The following CACNA2D1 variants were observed in gnomAD, a reference collection of about 807,000 sequenced individuals.
The protein encoded by CACNA2D1 is calcium voltage-gated channel auxiliary subunit alpha2delta 1.
CACNA2D1 carries 53 observed loss-of-function variants against 171.5 expected under a neutral mutation model. That is an observed-to-expected ratio of 0.31 (90% CI 0.25 to 0.39). CACNA2D1 has a LOEUF of 0.39. Among genes scored for constraint, CACNA2D1 ranks in the 10% least tolerant of loss-of-function variants. The pLI is 1.00. For missense variants in CACNA2D1, 903 were observed against 1,299.8 expected (o/e 0.69, Z 4.69); for synonymous variants, 442 against 443.1 (o/e 1.00, Z 0.03).
rs774076778 is a variant in CACNA2D1, at chr7:81,962,037, G to A, written c.2837-14C>T. The A allele has an allele frequency of 1.2e-6, 2 of 1,611,908 alleles. No individual in the cohort carries two copies. The highest frequency in any genetic ancestry group is 4.5e-5 in the East Asian group (2 of 44,782). On this transcript the variant is annotated splice_polypyrimidine_tract_variant and intron_variant, in intron 35 of 38. Coordinates refer to ENST00000356860, the MANE Select transcript of CACNA2D1 (RefSeq NM_000722.4). The stretch of plus-strand genomic sequence containing the variant: ...CCTCCATCTCAACTTGGGTGGCGGG[G>A]GACGGTGTAAAAACAAAGAACACCA...
At chr7:81,993,590 GCA>G (rs1026230088) in intron 20 of CACNA2D1, among the ~76,000 whole-genome samples, 5 of 152,188 alleles carry the variant, frequency 3.3e-5, no homozygotes, top group East Asian at 1.9e-4. Context: ...TAATACGTAT[GCA>G]CAGTGTTGTA....
intron 1 of CACNA2D1, among the ~76,000 whole-genome samples, chr7:82,412,559 AG>A (rs1451140314): frequency 6.6e-6 from 1 of 151,986 alleles, no homozygotes; most frequent in Non-Finnish European, 1.5e-5. Flanking sequence ...CTGGGATTAC[AG>A]GCGTGAGCCA....
At chr7:82,174,809 T>C (rs1796398383) in intron 3 of CACNA2D1, among the ~76,000 whole-genome samples, 1 of 152,068 alleles carries the variant, frequency 6.6e-6, no homozygotes, top group Non-Finnish European at 1.5e-5. Context: ...TTATTGCTAA[T>C]CAGTAAAAAC....
intron 18 of CACNA2D1, among the ~76,000 whole-genome samples, chr7:82,001,433 A>G (rs1798591930): frequency 1.3e-5 from 2 of 152,310 alleles, no homozygotes; most frequent in South Asian, 2.1e-4. Flanking sequence ...ACTTGATTCC[A>G]TAATTGACTT....
chr7:82,205,788 T>C (rs776439163), intron 3 of CACNA2D1, among the ~76,000 whole-genome samples: 3 of 152,162 alleles, frequency 2.0e-5, no homozygotes, highest in Admixed American at 6.5e-5. Context: ...ATTTGAAGTA[T>C]TAAAAAGGTA....
chr7:82,069,459 T>G (rs1035913330), intron 7 of CACNA2D1, among the ~76,000 whole-genome samples: 2 of 152,300 alleles, frequency 1.3e-5, no homozygotes, highest in East Asian at 3.9e-4. Context: ...TAACAATGAT[T>G]TACAGGAATG....
Position 82,179,749 on chromosome 7 carries a change from T to A in CACNA2D1, c.295-9140A>T, listed in dbSNP as rs187244947. 2.6e-3 allele frequency among the ~76,000 whole-genome samples: 401 copies of A among 152,212 alleles called. 1 individual carries two copies. Among genetic ancestry groups the A allele is most frequent in the African/African-American group, 9.3e-3 (386 of 41,534 alleles). ...CAATTTCTCAACTATAAAATGAGAA[T>A]TTTAGTAGTGCATATATCATTTTGT... On this transcript the variant is annotated intron_variant, in intron 3 of 38. Coordinates refer to ENST00000356860, the MANE Select transcript of CACNA2D1 (RefSeq NM_000722.4).
At chr7:82,351,277 G>C (rs912002865) in intron 1 of CACNA2D1, among the ~76,000 whole-genome samples, 1 of 151,022 alleles carries the variant, frequency 6.6e-6, no homozygotes, top group African/African-American at 2.4e-5. Context: ...AATGTAAGTA[G>C]TATAAATATA....
At position 82,443,245 on chromosome 7, in the gene CACNA2D1, C is replaced by T; in HGVS notation, c.95+120G>A. On this transcript the variant is annotated intron_variant, in intron 1 of 38. Transcript: ENST00000356860. Reference sequence around the variant, plus strand: ...GCGTCTCCGCATCCGAGCCTGGCTCCCCGGCCGCTCGCTCCCCACCCCCAC... The same window carrying T: ...GCGTCTCCGCATCCGAGCCTGGCTCTCCGGCCGCTCGCTCCCCACCCCCAC... 5.1e-6 allele frequency: 5 copies of T among 975,206 alleles called. No homozygotes were observed. In the South Asian group the frequency reaches 6.8e-5, roughly 13 times the overall value. The allele number at this position is 975,206 out of a possible 1,614,324, so 60.4% of individuals were successfully genotyped here. A position where few individuals can be genotyped will look rare whatever the true frequency, so the allele number is the denominator to read the frequency against.
chr7:82,081,216 C>T lies in CACNA2D1; in HGVS notation c.658+3553G>A, dbSNP rs113390156. 8.4e-3 allele frequency among the ~76,000 whole-genome samples: 1,284 copies of T among 152,258 alleles called. 11 individuals are homozygous for T. Among genetic ancestry groups the T allele is most frequent in the Non-Finnish European group, 0.013 (889 of 68,008 alleles). ...TATTTTTGACCTCTGGTTTAACATA[C>T]AGTAAACAGGGGTGAGTCCTTCTAT... On this transcript the variant is annotated intron_variant, in intron 7 of 38. Coordinates refer to ENST00000356860, the MANE Select transcript of CACNA2D1 (RefSeq NM_000722.4).
chr7:82,069,910 C>A (rs942359735), intron 7 of CACNA2D1, among the ~76,000 whole-genome samples: 11 of 152,048 alleles, frequency 7.2e-5, no homozygotes, highest in African/African-American at 2.7e-4. Flanking sequence ...ATATACTCAA[C>A]AATGCCTTTA....
chr7:82,094,897 ACCCT>A (rs1171942020), intron 6 of CACNA2D1, among the ~76,000 whole-genome samples: 2 of 151,206 alleles, frequency 1.3e-5, no homozygotes, highest in East Asian at 3.9e-4. Context: ...ACCTTTAAAT[ACCCT>A]CCCTCCCTCT....
chr7:82,276,242 C>A (rs1187039244), intron 3 of CACNA2D1, among the ~76,000 whole-genome samples: 1 of 152,098 alleles, frequency 6.6e-6, no homozygotes, highest in Non-Finnish European at 1.5e-5. Flanking sequence ...GGGAATTTCC[C>A]AAGATATAAA....
chr7:82,363,254 C>CTCTTTTTTTTTTTTTTTTTT (rs1821286522), intron 1 of CACNA2D1, among the ~76,000 whole-genome samples: 3 of 63,420 alleles, frequency 4.7e-5, no homozygotes, highest in African/African-American at 2.5e-4. Context: ...TTATTTGTCT[C>CTCTTTTTTTTTTTTTTTTTT]TTTTTTTTTT....
At position 81,948,106 on chromosome 7, in the gene CACNA2D1, AGTTT is replaced by A. The variant is rs1554319287; in HGVS notation, c.*2282_*2285del. 6.6e-6 allele frequency: 1 copy of A among 151,860 alleles called. No individual in the cohort carries two copies. Among genetic ancestry groups the A allele is most frequent in the Non-Finnish European group, 1.5e-5 (1 of 67,820 alleles). 9.4% of individuals were successfully genotyped at this position (151,860 alleles called of 1,614,324 possible). On this transcript the variant is annotated 3_prime_UTR_variant, in exon 39 of 39. Transcript: ENST00000356860. The stretch of plus-strand genomic sequence containing the variant: ...TAGATTTTGAACATAATTTTAAGGT[AGTTT>A]GTTGTATGCTGGAAGCAATTCAATT...
At chr7:82,071,792 T>C (rs1014146335) in intron 7 of CACNA2D1, among the ~76,000 whole-genome samples, 2 of 152,170 alleles carry the variant, frequency 1.3e-5, no homozygotes, top group African/African-American at 2.4e-5. Context: ...GATGTAGCCA[T>C]GTGATCAAAT....
chr7:82,004,560 T>C (rs1798935175), intron 18 of CACNA2D1, among the ~76,000 whole-genome samples: 1 of 152,084 alleles, frequency 6.6e-6, no homozygotes, highest in Admixed American at 6.5e-5. Context: ...TTTGTGTGAG[T>C]ATGTTCACAC....
intron 28 of CACNA2D1, 74 bp downstream of exon 28, chr7:81,969,807 G>C: frequency 3.7e-6 from 3 of 808,556 alleles, no homozygotes; most frequent in South Asian, 2.8e-5. Flanking sequence ...TAGTGATTTG[G>C]GGGGAGAGCA....
At chr7:82,107,875 C>T (rs1398809218) in intron 6 of CACNA2D1, among the ~76,000 whole-genome samples, 2 of 152,168 alleles carry the variant, frequency 1.3e-5, no homozygotes, top group African/African-American at 2.4e-5. Flanking sequence ...TTAGCGTCCG[C>T]GCCCAGCCGG....
Sources: gnomAD v4.1 joint callset for allele counts (sites outside exome capture counted in the v4.1 genomes callset) on GRCh38, gnomAD v4.1.1 for gene constraint, MANE v1.5 for transcripts, NCBI Gene and HGNC (gene_info 2026-07-23, HGNC 2026-07-21) for gene names.